NMBR: variants seen among roughly 807,000 people sequenced by gnomAD.
NMBR encodes neuromedin-B receptor.
NMBR carries 16 observed loss-of-function variants against 20.5 expected under a neutral mutation model. The observed-to-expected ratio is 0.78, with a 90% CI of 0.53 to 1.19. NMBR has a LOEUF of 1.19. Among genes scored for constraint, NMBR ranks in the 50% most tolerant of loss-of-function variants. NMBR has a pLI of 0.00. For synonymous variants in NMBR, 212 were observed against 196.6 expected, an observed-to-expected ratio of 1.08 and a Z score of -0.65; for missense variants, 582 against 499.1, an observed-to-expected ratio of 1.17 and a Z score of -1.58.
At chr6:142,094,489 T>C (rs889648698) in intron 1 of NMBR, among the ~76,000 whole-genome samples, 2 of 152,194 alleles carry the variant, frequency 1.3e-5, no homozygotes, top group Non-Finnish European at 2.9e-5. Context: ...CTGAAGGCTC[T>C]GTACTGTTCC....
Position 142,088,244 on chromosome 6 carries a change from C to G in NMBR, c.415G>C (p.Ala139Pro). ...AGCTACCTGTGCTCTTACCTGTCGGCGCTGAGGGCAGTGAGAGTGAACACG... is the reference window on the plus strand; with the variant it reads ...AGCTACCTGTGCTCTTACCTGTCGGGGCTGAGGGCAGTGAGAGTGAACACG... ...VSVFTLTALS[A>P]DRYRAIVNPM... Residue 139 changes from alanine (A) to proline (P), a missense_variant, in exon 2 of 4, where the codon GCC (alanine) becomes CCC (proline). Coordinates refer to ENST00000258042, the MANE Select transcript of NMBR (RefSeq NM_002511.4). 1 of 1,610,774 alleles carries G rather than the reference C, an allele frequency of 6.2e-7. No individual in the cohort carries two copies. The highest frequency in any genetic ancestry group is 1.3e-5 in the African/African-American group (1 of 74,996).
At chr6:142,093,709 A>G (rs1449204364) in intron 1 of NMBR, among the ~76,000 whole-genome samples, 4 of 152,094 alleles carry the variant, frequency 2.6e-5, no homozygotes. Context: ...CTAGTTCTAG[A>G]TCCCTGAGGA....
intron 1 of NMBR, among the ~76,000 whole-genome samples, chr6:142,093,058 G>T (rs536085937): frequency 5.8e-4 from 89 of 152,164 alleles, no homozygotes; most frequent in African/African-American, 2.1e-3. Context: ...GGCTTCTCTG[G>T]TCTTGCCCTC....
intron 1 of NMBR, among the ~76,000 whole-genome samples, chr6:142,094,684 T>G (rs1163350323): frequency 6.6e-6 from 1 of 152,216 alleles, no homozygotes; most frequent in Non-Finnish European, 1.5e-5. Flanking sequence ...TCCAATTCTT[T>G]GAAGAAAGTC....
intron 1 of NMBR, among the ~76,000 whole-genome samples, chr6:142,099,303 G>T (rs568003493): frequency 6.6e-6 from 1 of 152,250 alleles, no homozygotes; most frequent in East Asian, 1.9e-4. Flanking sequence ...AATTTATAAA[G>T]AAAAGATGTT....
At position 142,088,241 on chromosome 6, in the gene NMBR, C is replaced by G. The variant is rs138030969; in HGVS notation, c.418G>C (p.Asp140His). 6.2e-7 allele frequency: 1 copy of G among 1,610,038 alleles called. No homozygotes were observed. The highest frequency in any genetic ancestry group is 8.5e-7 in the Non-Finnish European group (1 of 1,179,532). The part of the protein sequence containing the change: ...SVFTLTALSA[D>H]RYRAIVNPMD... ...CACAGCTACCTGTGCTCTTACCTGTCGGCGCTGAGGGCAGTGAGAGTGAAC... is the reference window on the plus strand; with the variant it reads ...CACAGCTACCTGTGCTCTTACCTGTGGGCGCTGAGGGCAGTGAGAGTGAAC... The change falls in exon 2 of 4, where the codon GAC (aspartate) becomes CAC (histidine). Residue 140 changes from aspartate (D) to histidine (H), a missense_variant. Transcript: ENST00000258042.
intron 2 of NMBR, among the ~76,000 whole-genome samples, chr6:142,081,312 T>C (rs1418981092): frequency 1.6e-4 from 25 of 152,136 alleles, no homozygotes; most frequent in Admixed American, 1.6e-3. Flanking sequence ...ATAGCATGCA[T>C]TATAACTATA....
chr6:142,083,024 T>A (rs1269373692), intron 2 of NMBR, among the ~76,000 whole-genome samples: 1 of 152,206 alleles, frequency 6.6e-6, no homozygotes, highest in Non-Finnish European at 1.5e-5. Flanking sequence ...TCAAAAGCTA[T>A]AAGCAACATA....
rs1353177217 is a variant in NMBR, at chr6:142,074,972, A to T, written c.*676T>A. ...CACATACTTAGAATTACAGATATGA[A>T]TTATTTCTATAAATTATGATTAATC... On this transcript the variant is annotated 3_prime_UTR_variant, in exon 4 of 4. Coordinates refer to ENST00000258042, the MANE Select transcript of NMBR (RefSeq NM_002511.4). Among the ~76,000 whole-genome samples the T allele has an allele frequency of 6.6e-6, 1 of 152,076 alleles. No homozygotes were observed. The highest frequency in any genetic ancestry group is 1.5e-5 in the Non-Finnish European group (1 of 67,998).
intron 1 of NMBR, among the ~76,000 whole-genome samples, chr6:142,142,714 T>C (rs1342951848): frequency 6.6e-6 from 1 of 151,978 alleles, no homozygotes; most frequent in Non-Finnish European, 1.5e-5. Flanking sequence ...ACAAACAATA[T>C]ATGAATTGCA....
At chr6:142,098,199 C>A (rs1350645346) in intron 1 of NMBR, among the ~76,000 whole-genome samples, 1 of 152,012 alleles carries the variant, frequency 6.6e-6, no homozygotes, top group African/African-American at 2.4e-5. Flanking sequence ...GCTCAGCAAA[C>A]CCCAGGCAGA....
intron 1 of NMBR, among the ~76,000 whole-genome samples, chr6:142,100,216 C>G (rs1562239007): frequency 6.6e-6 from 1 of 152,112 alleles, no homozygotes; most frequent in South Asian, 2.1e-4. Flanking sequence ...TTCCTGTTTA[C>G]CCAAAATATT....
chr6:142,134,858 T>C, intron 1 of NMBR: 1 of 638,806 alleles, frequency 1.6e-6, no homozygotes, highest in African/African-American at 1.8e-5. Flanking sequence ...ATTACAATTT[T>C]ATTATTTGTT....
intron 1 of NMBR, among the ~76,000 whole-genome samples, chr6:142,146,141 G>A (rs1440106780): frequency 1.3e-5 from 2 of 152,204 alleles, no homozygotes; most frequent in African/African-American, 4.8e-5. Flanking sequence ...TGAGTTTCAG[G>A]CTGAGTAAAA....
intron 2 of NMBR, among the ~76,000 whole-genome samples, chr6:142,080,515 G>T (rs1777073099): frequency 6.6e-6 from 1 of 151,862 alleles, no homozygotes; most frequent in South Asian, 2.1e-4. Flanking sequence ...TTGCCATGCT[G>T]CTCAGGCTGG....
intron 1 of NMBR, among the ~76,000 whole-genome samples, chr6:142,095,095 C>A (rs1438796324): frequency 6.6e-6 from 1 of 152,072 alleles, no homozygotes; most frequent in Non-Finnish European, 1.5e-5. Context: ...ATGTCATCTG[C>A]AAACAGGGAC....
intron 1 of NMBR, among the ~76,000 whole-genome samples, chr6:142,112,494 C>G (rs901939672): frequency 2.0e-5 from 3 of 152,108 alleles, no homozygotes. Flanking sequence ...GGATAAATCT[C>G]TCAAATAATT....
chr6:142,080,315 T>A (rs2114556983), intron 2 of NMBR, among the ~76,000 whole-genome samples: 1 of 148,020 alleles, frequency 6.8e-6, no homozygotes, highest in Middle Eastern at 3.5e-3. Context: ...CTATATCTTT[T>A]TTTTTTTTTT....
intron 1 of NMBR, among the ~76,000 whole-genome samples, chr6:142,130,542 T>C (rs1407503461): frequency 6.6e-6 from 1 of 152,148 alleles, no homozygotes; most frequent in Non-Finnish European, 1.5e-5. Flanking sequence ...TAGAGAGAGA[T>C]ATTTCTTTAA....
Sources: gnomAD v4.1 joint callset for allele counts (sites outside exome capture counted in the v4.1 genomes callset) on GRCh38, gnomAD v4.1.1 for gene constraint, MANE v1.5 for transcripts, NCBI Gene and HGNC (gene_info 2026-07-23, HGNC 2026-07-21) for gene names.